ITFG2: variants seen among roughly 807,000 people sequenced by gnomAD.
ITFG2 encodes the protein KICSTOR complex protein ITFG2.
In ITFG2, 36 loss-of-function variants were observed where a neutral mutation model predicts 54.4. The ratio of observed to expected loss-of-function variants is 0.66; its 90% CI spans 0.51 to 0.87. The LOEUF (loss-of-function observed/expected upper bound fraction) is 0.87, where lower values mean the gene tolerates loss of function less well. Among genes scored for constraint, ITFG2 ranks in the 40% least tolerant of loss-of-function variants. ITFG2 has a pLI of 0.00. For missense variants in ITFG2, 524 were observed against 576.7 expected (o/e 0.91, Z 0.94); for synonymous variants, 211 against 225.4 (o/e 0.94, Z 0.57).
intron 1 of ITFG2, among the ~76,000 whole-genome samples, chr12:2,815,287 A>G (rs576643490): frequency 3.9e-5 from 6 of 152,336 alleles, no homozygotes; most frequent in African/African-American, 1.2e-4. Flanking sequence ...TGTTGGCTGT[A>G]CCCCCAAGAG....
chr12:2,843,486 T>C (rs1476730989), intron 2 of ITFG2, among the ~76,000 whole-genome samples: 2 of 152,220 alleles, frequency 1.3e-5, no homozygotes, highest in South Asian at 2.1e-4. Flanking sequence ...AGCCTGAGCA[T>C]GGCATGGTGA....
intron 1 of ITFG2, among the ~76,000 whole-genome samples, chr12:2,816,373 A>G (rs1017356310): frequency 1.5e-5 from 2 of 129,852 alleles, no homozygotes; most frequent in African/African-American, 3.0e-5. Flanking sequence ...TCTGTCGCCC[A>G]GGCTGGAGTG....
chr12:2,835,013 C>T, upstream of ITFG2: 5 of 1,522,672 alleles, frequency 3.3e-6, no homozygotes, highest in African/African-American at 1.4e-5. Context: ...TCTCCAATTT[C>T]CCGAGATTGC....
At chr12:2,821,221 C>T in intron 6 of ITFG2, 41 bp from the exon 7 acceptor site, 3 of 1,489,958 alleles carry the variant, frequency 2.0e-6, no homozygotes, top group Non-Finnish European at 2.8e-6. Flanking sequence ...GAGCTCAGCT[C>T]ACTTGGTCTC....
rs145322775 is a variant in ITFG2, at chr12:2,844,414, C to G, written n.300+3419C>G. 1.3e-3 allele frequency among the ~76,000 whole-genome samples: 197 copies of G among 152,150 alleles called. 1 individual carries two copies. Among genetic ancestry groups the G allele is most frequent in the African/African-American group, 4.6e-3 (189 of 41,490 alleles). ...ACTAAAAATACAAAAATTAGCTGAG[C>G]ATAGCGGTGTGCGCTTGTAATCCCA... On this transcript the variant is annotated intron_variant and non_coding_transcript_variant, in intron 2 of 3. Coordinates refer to the ITFG2 transcript ENST00000537710.
Position 2,824,838 on chromosome 12 carries a change from A to G in ITFG2, c.*645A>G, listed in dbSNP as rs1453251649. On this transcript the variant is annotated 3_prime_UTR_variant, in exon 12 of 12. Transcript: ENST00000228799. ...CCTGCTCCCATTTTTCCACCCACCCATTCCCCCATAAAACAGCTTATTGTC... is the reference window on the plus strand; with the variant it reads ...CCTGCTCCCATTTTTCCACCCACCCGTTCCCCCATAAAACAGCTTATTGTC... The G allele has an allele frequency of 2.6e-5, 4 of 153,550 alleles. No homozygotes were observed. Among genetic ancestry groups the G allele is most frequent in the South Asian group, 2.0e-4 (1 of 4,902 alleles). The allele number at this position is 153,550 out of a possible 1,614,324, so 9.5% of individuals were successfully genotyped here.
intron 3 of ITFG2, chr12:2,859,517 T>G (rs924946743): frequency 6.2e-7 from 1 of 1,613,916 alleles, no homozygotes; most frequent in African/African-American, 1.3e-5. Context: ...TCGCTAAGTG[T>G]GGCATTTCCT....
chr12:2,834,794 C>T (rs905798250), upstream of ITFG2: 4 of 1,613,634 alleles, frequency 2.5e-6, no homozygotes, highest in African/African-American at 1.3e-5. Context: ...CTCGTCCTGG[C>T]TTCTCCCTCA....
intron 2 of ITFG2, chr12:2,857,333 C>CACGG: frequency 4.5e-6 from 2 of 443,376 alleles, no homozygotes; most frequent in Admixed American, 6.8e-5. Context: ...GGGAATGAAG[C>CACGG]ACCTGTAACT....
intron 2 of ITFG2, among the ~76,000 whole-genome samples, chr12:2,841,905 G>A (rs2098042010): frequency 6.6e-6 from 1 of 151,012 alleles, no homozygotes; most frequent in African/African-American, 2.4e-5. Flanking sequence ...TTTTAGTAGT[G>A]ATGTGGTTTC....
intron 7 of ITFG2, 69 bp from the exon 8 acceptor site, chr12:2,821,474 G>T: frequency 6.3e-7 from 1 of 1,579,998 alleles, no homozygotes; most frequent in South Asian, 1.1e-5. Flanking sequence ...TGCTGCTGCA[G>T]AACACCCCTC....
At chr12:2,818,455 A>G (rs2153924091) in intron 4 of ITFG2, 178 bp downstream of exon 4, 1 of 1,308,274 alleles carries the variant, frequency 7.6e-7, no homozygotes, top group Non-Finnish European at 1.0e-6. Context: ...TAGTGAATAA[A>G]TAGACAAAAA....
At chr12:2,834,005 C>T (rs2098015935), upstream of ITFG2, among the ~76,000 whole-genome samples, 1 of 152,242 alleles carries the variant, frequency 6.6e-6, no homozygotes, top group African/African-American at 2.4e-5. Context: ...CCGCCGCCCA[C>T]TCACATCCTC....
In ITFG2 at chr12:2,854,825, G is replaced by A; in HGVS notation, n.301-3187G>A. On this transcript the variant is annotated intron_variant and non_coding_transcript_variant, in intron 2 of 3. Coordinates refer to the ITFG2 transcript ENST00000537710. ...AGGACAGAGTCCCGGTTAGAAACAG[G>A]AACCTGAGAGAGGGAGGGGTCACCT... 4 of 1,422,948 alleles carry A rather than the reference G, an allele frequency of 2.8e-6. No homozygotes were observed. The South Asian group carries it at 5.7e-5, about 20-fold the overall frequency. The allele number at this position is 1,422,948 out of a possible 1,614,324, so 88.1% of individuals were successfully genotyped here.
Position 2,837,435 on chromosome 12 carries a change from G to A in ITFG2, n.146+479G>A, listed in dbSNP as rs147730961. Among the ~76,000 whole-genome samples, 1,451 of 151,950 alleles carry A rather than the reference G, an allele frequency of 9.5e-3. 23 individuals are homozygous for A. The highest frequency in any genetic ancestry group is 0.033 in the African/African-American group (1,387 of 41,404). ...GGAGCTTGCAGTGAGCCGAGATCAC[G>A]CCACTGCACTCCAGCCTAGGCGACA... On this transcript the variant is annotated intron_variant and non_coding_transcript_variant, in intron 1 of 3. Transcript: ENST00000537710.
intron 2 of ITFG2, among the ~76,000 whole-genome samples, chr12:2,856,588 C>T (rs2153929995): frequency 6.6e-6 from 1 of 152,344 alleles, no homozygotes; most frequent in Middle Eastern, 3.4e-3. Flanking sequence ...GTCTCAAACT[C>T]CTAACCTCAG....
chr12:2,852,591 C>G (rs1340342467), intron 2 of ITFG2, among the ~76,000 whole-genome samples: 1 of 152,110 alleles, frequency 6.6e-6, no homozygotes, highest in East Asian at 1.9e-4. Context: ...TGGTCTTGAA[C>G]TGGCCTCAAG....
chr12:2,847,469 C>T (rs192187185), intron 2 of ITFG2, among the ~76,000 whole-genome samples: 2 of 152,224 alleles, frequency 1.3e-5, no homozygotes, highest in African/African-American at 4.8e-5. Context: ...AGATCGAGCC[C>T]ATCCTGGCCA....
intron 3 of ITFG2, chr12:2,858,597 G>A (rs374706964): frequency 7.8e-5 from 123 of 1,572,396 alleles, no homozygotes; most frequent in Middle Eastern, 3.5e-4. Flanking sequence ...TGGAGTGCCC[G>A]GGATGGTGGA....
Sources: gnomAD v4.1 joint callset for allele counts (sites outside exome capture counted in the v4.1 genomes callset) on GRCh38, gnomAD v4.1.1 for gene constraint, MANE v1.5 for transcripts, NCBI Gene and HGNC (gene_info 2026-07-23, HGNC 2026-07-21) for gene names.